The following IRS2 variants were observed in gnomAD, a reference collection of about 807,000 sequenced individuals.
The protein encoded by IRS2 is insulin receptor substrate 2.
IRS2 carries 28 observed loss-of-function variants against 70.9 expected under a neutral mutation model. The ratio of observed to expected loss-of-function variants is 0.39; its 90% CI spans 0.29 to 0.54. The LOEUF (loss-of-function observed/expected upper bound fraction) is 0.54. Among genes scored for constraint, IRS2 ranks in the 20% least tolerant of loss-of-function variants. IRS2 has a pLI of 0.59. For missense variants in IRS2, 2,081 were observed against 2,024.1 expected (o/e 1.03, Z -0.54); for synonymous variants, 1,217 against 981.9 (o/e 1.24, Z -4.48).
At chr13:109,761,144 G>A (rs540196098) in intron 1 of IRS2, among the ~76,000 whole-genome samples, 1 of 152,196 alleles carries the variant, frequency 6.6e-6, no homozygotes, top group South Asian at 2.1e-4. Flanking sequence ...GGAGGCCCCG[G>A]TCCTCTCTGC....
chr13:109,759,759 G>A (rs568153118), intron 1 of IRS2, among the ~76,000 whole-genome samples: 1 of 152,042 alleles, frequency 6.6e-6, no homozygotes, highest in African/African-American at 2.4e-5. Flanking sequence ...GGCTCAGGAG[G>A]GCTCTCTGTA....
At chr13:109,768,325 C>G (rs1362188761) in intron 1 of IRS2, among the ~76,000 whole-genome samples, 3 of 152,186 alleles carry the variant, frequency 2.0e-5, no homozygotes, top group Non-Finnish European at 2.9e-5. Flanking sequence ...CTACAAATAA[C>G]TGCACACAGT....
intron 1 of IRS2, among the ~76,000 whole-genome samples, chr13:109,775,705 A>G (rs936337709): frequency 4.7e-5 from 7 of 150,518 alleles, no homozygotes; most frequent in African/African-American, 1.5e-4. Context: ...TATGGAGAAA[A>G]ATATCATATC....
Position 109,755,868 on chromosome 13 carries a change from A to T in IRS2, c.*436T>A. 8.0e-6 allele frequency: 2 copies of T among 248,950 alleles called. No homozygotes were observed. The highest frequency in any genetic ancestry group is 6.0e-5 in the East Asian group (1 of 16,734). 15.4% of individuals were successfully genotyped at this position (248,950 alleles called of 1,614,324 possible). ...CTGAGGTAGGACTGTGGTCGTTTTG[A>T]GTGTAAGCCAGTAAATACCAGATTT... On this transcript the variant is annotated 3_prime_UTR_variant, in exon 2 of 2. Transcript: ENST00000375856.
At chr13:109,757,977 C>A (rs745598600) in intron 1 of IRS2, among the ~76,000 whole-genome samples, 1 of 152,140 alleles carries the variant, frequency 6.6e-6, no homozygotes, top group African/African-American at 2.4e-5. Flanking sequence ...CCACTGCGGC[C>A]GGCCTATCTT....
At position 109,782,233 on chromosome 13, in the gene IRS2, G is replaced by GTCC. The variant is rs1877724991; in HGVS notation, c.3820_3821insGGA (p.Pro1274delinsArgThr). The stretch of plus-strand genomic sequence containing the variant: ...GCTCTTGTCTCCCGGCTGAGGAAGC[G>GTCC]GCGGCGGCGGCGGCTGCGGCTGGGG... On this transcript the variant is annotated protein_altering_variant, in exon 1 of 2. Coordinates refer to ENST00000375856, the MANE Select transcript of IRS2 (RefSeq NM_003749.3). 2 of 1,596,764 alleles carry GTCC rather than the reference G, an allele frequency of 1.3e-6. No individual in the cohort carries two copies. Among genetic ancestry groups the GTCC allele is most frequent in the Non-Finnish European group, 1.7e-6 (2 of 1,171,376 alleles).
In IRS2 at chr13:109,755,526, C is replaced by T. The variant is rs1594376995; in HGVS notation, c.*778G>A. 4.8e-6 allele frequency: 1 copy of T among 210,334 alleles called. No homozygotes were observed. The highest frequency in any genetic ancestry group is 9.7e-6 in the Non-Finnish European group (1 of 103,462). 13.0% of individuals were successfully genotyped at this position (210,334 alleles called of 1,614,324 possible). On this transcript the variant is annotated 3_prime_UTR_variant, in exon 2 of 2. Coordinates refer to ENST00000375856, the MANE Select transcript of IRS2 (RefSeq NM_003749.3). ...AGAGATATTCATCCCCTTCCCAAAG[C>T]CCTTCCCTCCCACCTCCCACTACCC...
At chr13:109,775,765 C>CACAA (rs1006356680) in intron 1 of IRS2, among the ~76,000 whole-genome samples, 2 of 149,024 alleles carry the variant, frequency 1.3e-5, no homozygotes, top group African/African-American at 5.0e-5. Context: ...CACACACACA[C>CACAA]ACACACACAC....
rs1252486860 is a variant in IRS2, at chr13:109,784,197, G to A, written c.1857C>T (p.Ser619=). 6.3e-7 allele frequency: 1 copy of A among 1,575,742 alleles called. No homozygotes were observed. The highest frequency in any genetic ancestry group is 8.6e-7 in the Non-Finnish European group (1 of 1,162,016). ...AGRLCPSCPA[S]SPKVAYHPYP... The stretch of plus-strand genomic sequence containing the variant: ...AGGGGTGGTAGGCCACCTTGGGAGA[G>A]GACGCGGGGCAGGACGGGCAGAGGC... The change falls in exon 1 of 2, where the codon TCC becomes TCT. Residue 619 remains serine (S), a synonymous_variant. Coordinates refer to ENST00000375856, the MANE Select transcript of IRS2 (RefSeq NM_003749.3). The surrounding 1 kb of genome is among the most constrained non-coding windows in gnomAD (Gnocchi z 5.2).
intron 1 of IRS2, among the ~76,000 whole-genome samples, chr13:109,763,559 C>T (rs1418221202): frequency 1.3e-5 from 2 of 152,160 alleles, no homozygotes; most frequent in Admixed American, 1.3e-4. Context: ...CATTAAGGGT[C>T]CAAATCTTTT....
At chr13:109,781,438 G>A (rs1877695280) in intron 1 of IRS2, among the ~76,000 whole-genome samples, 1 of 152,288 alleles carries the variant, frequency 6.6e-6, no homozygotes, top group Middle Eastern at 3.4e-3. Context: ...CACCCCTTCC[G>A]AGAAAAACAA....
chr13:109,772,216 T>C (rs974177931), intron 1 of IRS2, among the ~76,000 whole-genome samples: 11 of 152,002 alleles, frequency 7.2e-5, no homozygotes, highest in African/African-American at 2.4e-4. Context: ...CTGACTTCAG[T>C]CCCTATTTTC....
chr13:109,778,974 A>G (rs1387134767), intron 1 of IRS2, among the ~76,000 whole-genome samples: 1 of 152,130 alleles, frequency 6.6e-6, no homozygotes, highest in Non-Finnish European at 1.5e-5. Flanking sequence ...ACGAAACCTA[A>G]CAAATTGGTT....
chr13:109,754,020 T>C lies in IRS2; in HGVS notation c.*2284A>G, dbSNP rs898198874. ...GACAGAGCAAGATAAGTTAAGTCTC[T>C]TGTCATATCACAATAGCAAGAAATA... On this transcript the variant is annotated 3_prime_UTR_variant, in exon 2 of 2. Coordinates refer to ENST00000375856, the MANE Select transcript of IRS2 (RefSeq NM_003749.3). 2 of 231,352 alleles carry C rather than the reference T, an allele frequency of 8.6e-6. No individual in the cohort carries two copies. Among genetic ancestry groups the C allele is most frequent in the African/African-American group, 4.4e-5 (2 of 45,244 alleles). The allele number at this position is 231,352 out of a possible 1,614,324, so 14.3% of individuals were successfully genotyped here. A position where few individuals can be genotyped will look rare whatever the true frequency, so the allele number is the denominator to read the frequency against.
chr13:109,770,246 A>G (rs1410029730), intron 1 of IRS2, among the ~76,000 whole-genome samples: 1 of 152,174 alleles, frequency 6.6e-6, no homozygotes, highest in African/African-American at 2.4e-5. Context: ...GAATGTGATC[A>G]ATACCCTTAA....
Position 109,784,447 on chromosome 13 carries a change from C to T in IRS2, c.1607G>A (p.Gly536Asp), listed in dbSNP as rs2138935801. 6.3e-7 allele frequency: 1 copy of T among 1,585,084 alleles called. No individual in the cohort carries two copies. Residue 536 changes from glycine to aspartate, a missense_variant, in exon 1 of 2, where the codon GGC becomes GAC. By Grantham distance (94) the Gly-to-Asp change is moderately conservative. Coordinates refer to ENST00000375856, the MANE Select transcript of IRS2 (RefSeq NM_003749.3). The surrounding 1 kb of genome is among the most constrained non-coding windows in gnomAD (Gnocchi z 5.2). ...GGTCATGTACCCGTAGAACTCACCG[C>T]CGCCGCCGCCGTCTCGGGCCGGGGG... ...ETPPARDGGG[G>D]GEFYGYMTMD... is the part of the protein sequence containing the mutation.
At chr13:109,763,822 T>A (rs1279767733) in intron 1 of IRS2, among the ~76,000 whole-genome samples, 2 of 152,350 alleles carry the variant, frequency 1.3e-5, no homozygotes, top group East Asian at 1.9e-4. Context: ...GCTGCCAAAT[T>A]AAGAGAATGT....
intron 1 of IRS2, among the ~76,000 whole-genome samples, chr13:109,757,399 T>G (rs1877130494): frequency 6.6e-6 from 1 of 152,230 alleles, no homozygotes; most frequent in South Asian, 2.1e-4. Context: ...TCCTAGCCTC[T>G]TATCATACTC....
intron 1 of IRS2, among the ~76,000 whole-genome samples, chr13:109,777,947 A>G (rs9583423): frequency 0.028 from 4,322 of 152,346 alleles, 189 homozygotes; most frequent in African/African-American, 0.097. Context: ...GGAACTAGCA[A>G]TAAGCAGTAA....
Sources: gnomAD v4.1 joint callset for allele counts (sites outside exome capture counted in the v4.1 genomes callset) on GRCh38, gnomAD v4.1.1 for gene constraint, Gnocchi (gnomAD v3.1) non-coding constraint, MANE v1.5 for transcripts, NCBI Gene and HGNC (gene_info 2026-07-23, HGNC 2026-07-21) for gene names.